UNC13D: variants seen among roughly 807,000 people sequenced by gnomAD.
UNC13D encodes protein unc-13 homolog D.
In UNC13D, 115 loss-of-function variants were observed where a neutral mutation model predicts 151.7. That is an observed-to-expected ratio of 0.76 (90% CI 0.65 to 0.88). The LOEUF is 0.88. Among genes scored for constraint, UNC13D ranks in the 40% least tolerant of loss-of-function variants. The pLI is 0.00. For synonymous variants in UNC13D, 588 were observed against 612.2 expected (o/e 0.96, Z 0.58); for missense variants, 1,369 against 1,438.7 (o/e 0.95, Z 0.78).
Position 75,843,826 on chromosome 17 carries a change from C to T in UNC13D, c.118-307G>A, listed in dbSNP as rs1019391145. 9 of 1,375,410 alleles carry T rather than the reference C, an allele frequency of 6.5e-6. No homozygotes were observed. Among genetic ancestry groups the T allele is most frequent in the East Asian group, 5.7e-5 (2 of 35,374 alleles). The allele number at this position is 1,375,410 out of a possible 1,614,324, so 85.2% of individuals were successfully genotyped here. On this transcript the variant is annotated intron_variant, in intron 1 of 31. Transcript: ENST00000207549. ...GTGGCGGCTGCTCCTCACCCAGCAG[C>T]GGAAGTGAGGCTCGGCAGCGGAGGT... is the stretch of plus-strand genomic sequence containing the variant.
In UNC13D at chr17:75,832,770, G is replaced by A; in HGVS notation, c.2447+196C>T. Reference sequence around the variant, plus strand: ...GCACCCATAAGGGAGGTCACCAAAGGGATTCACCTCCACCCCTCAGAACGG... The same window carrying A: ...GCACCCATAAGGGAGGTCACCAAAGAGATTCACCTCCACCCCTCAGAACGG... On this transcript the variant is annotated intron_variant, in intron 25 of 31. Transcript: ENST00000207549. The surrounding 1 kb of genome is among the most constrained non-coding windows in gnomAD (Gnocchi z 4.3). The A allele has an allele frequency of 1.7e-6, 1 of 572,020 alleles. No individual in the cohort carries two copies. The highest frequency in any genetic ancestry group is 3.2e-6 in the Non-Finnish European group (1 of 312,714). 35.4% of individuals were successfully genotyped at this position (572,020 alleles called of 1,614,324 possible). A position where few individuals can be genotyped will look rare whatever the true frequency, so the allele number is the denominator to read the frequency against.
At chr17:75,839,785 A>AG in intron 12 of UNC13D, 54 bp downstream of exon 12, 4 of 1,572,222 alleles carry the variant, frequency 2.5e-6, no homozygotes, top group Non-Finnish European at 3.5e-6. Flanking sequence ...GGAGGAGGGC[A>AG]GGGGGCGTGG....
At chr17:75,835,156 A>G in intron 20 of UNC13D, 93 bp from the exon 21 acceptor site, 2 of 1,565,268 alleles carry the variant, frequency 1.3e-6, no homozygotes, top group Non-Finnish European at 1.7e-6. Flanking sequence ...CCAGGCACAG[A>G]GCTGGGCAGG....
intron 27 of UNC13D, 43 bp downstream of exon 27, chr17:75,831,053 AGG>A: frequency 1.9e-6 from 3 of 1,610,446 alleles, no homozygotes; most frequent in Non-Finnish European, 1.7e-6. Flanking sequence ...GCCAAAAGGC[AGG>A]CTCCCCAGAC....
rs777653641 is a variant in UNC13D at position 75,831,179 on chromosome 17, A to G, written c.2554-10T>C. On this transcript the variant is annotated splice_polypyrimidine_tract_variant and intron_variant, in intron 26 of 31. Coordinates refer to ENST00000207549, the MANE Select transcript of UNC13D (RefSeq NM_199242.3). The stretch of plus-strand genomic sequence containing the variant: ...AGCAGATCTCCAGGTTCTGGGGGAG[A>G]TATCAGAGGTGACCCCAGGCACCCT... 9 of 1,613,850 alleles carry G rather than the reference A, an allele frequency of 5.6e-6. No individual in the cohort carries two copies. Among genetic ancestry groups the G allele is most frequent in the Admixed American group, 5.0e-5 (3 of 59,988 alleles).
rs747840374 is a variant in UNC13D, at chr17:75,842,613, C to T, written c.389G>A (p.Gly130Glu). The T allele has an allele frequency of 3.7e-6, 6 of 1,611,390 alleles. No individual in the cohort carries two copies. Residue 130 changes from glycine to glutamate, a missense_variant and splice_region_variant, in exon 6 of 32, where the codon GGG (glycine) becomes GAG (glutamate). Coordinates refer to ENST00000207549, the MANE Select transcript of UNC13D (RefSeq NM_199242.3). ...CAGCAGGCAGTAGGGGTCGCTGAAC[C>T]CTGTGGAGGAGTGGGGAAGACGAGG... ...AKGILGKDVS[G>E]FSDPYCLLGI...
In UNC13D at chr17:75,834,667, G is replaced by T. The variant is rs202113667; in HGVS notation, c.2042C>A (p.Ala681Asp). The T allele has an allele frequency of 1.9e-6, 3 of 1,613,786 alleles. No homozygotes were observed. Among genetic ancestry groups the T allele is most frequent in the Middle Eastern group, 3.3e-4 (2 of 6,062 alleles). The change falls in exon 22 of 32, where the codon GCC becomes GAC. Residue 681 changes from alanine to aspartate, a missense_variant. Physicochemically the swap from Ala to Asp is moderately radical, Grantham distance 126. This residue lies in a region of UNC13D where 807 missense variants were observed against 795.5 expected (regional missense o/e 1.01). Transcript: ENST00000207549. ...CTTCTGGCCTGAAGAGAGCTCGCGG[G>T]CCCGGGCCTTTATAAGGCTGCAGTA... Reference protein sequence around the residue: ...LVYCSLIKARARELSSGQKDQ... With the variant: ...LVYCSLIKARDRELSSGQKDQ...
At chr17:75,835,346 A>G (rs762882580) in intron 20 of UNC13D, 63 bp downstream of exon 20, 7 of 1,587,582 alleles carry the variant, frequency 4.4e-6, no homozygotes, top group Non-Finnish European at 5.1e-6. Context: ...TTGGAGGTCC[A>G]GGCAGAACCC....
Position 75,828,876 on chromosome 17 carries a change from G to C in UNC13D, c.3062C>G (p.Pro1021Arg), listed in dbSNP as rs375153464. ...ADDLEGEAFL[P>R]LREVPGLSGS... is the part of the protein sequence containing the mutation. ...ACTCAGCCCGGGCACCTCACGCAGC[G>C]GCAGGAAGGCCTCGCCTTCCAGGTC... The change falls in exon 31 of 32, where the codon CCG (proline) becomes CGG (arginine). Residue 1021 changes from proline (P) to arginine (R), a missense_variant. Coordinates refer to ENST00000207549, the MANE Select transcript of UNC13D (RefSeq NM_199242.3). 6.2e-7 allele frequency: 1 copy of C among 1,602,156 alleles called. No individual in the cohort carries two copies. The highest frequency in any genetic ancestry group is 8.5e-7 in the Non-Finnish European group (1 of 1,177,460).
At position 75,840,840 on chromosome 17, in the gene UNC13D, C is replaced by G. The variant is rs200803997; in HGVS notation, c.615-10G>C. The G allele has an allele frequency of 1.7e-5, 28 of 1,613,960 alleles. No individual in the cohort carries two copies. The highest frequency in any genetic ancestry group is 2.4e-5 in the Non-Finnish European group (28 of 1,180,034). On this transcript the variant is annotated splice_polypyrimidine_tract_variant and intron_variant, in intron 7 of 31. Transcript: ENST00000207549. The surrounding 1 kb of genome is among the most constrained non-coding windows in gnomAD (Gnocchi z 4.6). ...CACAGTGTCCAGGTCCCTGGCAGGA[C>G]AGAGGTTTGAGAAGGAAGCAGAGAG...
intron 12 of UNC13D, among the ~76,000 whole-genome samples, chr17:75,839,612 ATCC>A: frequency 6.6e-6 from 1 of 152,110 alleles, no homozygotes; most frequent in South Asian, 2.1e-4. Flanking sequence ...GGCTCAAGTG[ATCC>A]TCCTGCCTCA....
At chr17:75,835,983 A>G in intron 17 of UNC13D, 29 bp downstream of exon 17, 2 of 1,614,174 alleles carry the variant, frequency 1.2e-6, no homozygotes, top group Non-Finnish European at 1.7e-6. Flanking sequence ...GCAATGCCCC[A>G]CTACCTCCCG....
Position 75,836,323 on chromosome 17 carries a change from A to T in UNC13D, c.1389+16T>A, listed in dbSNP as rs1287954376. 1.9e-6 allele frequency: 3 copies of T among 1,613,636 alleles called. No homozygotes were observed. In the African/African-American group the frequency reaches 4.0e-5, roughly 22 times the overall value. ...CCAGGCGCTGGTCTCCCCCATCCCC[A>T]GCGCGAGTACCATACCTGCAGGGCC... is the stretch of plus-strand genomic sequence containing the variant. On this transcript the variant is annotated intron_variant, in intron 15 of 31. Coordinates refer to ENST00000207549, the MANE Select transcript of UNC13D (RefSeq NM_199242.3).
rs757081119 is a variant in UNC13D at position 75,834,762 on chromosome 17, C to T, written c.1993-46G>A. ...GGGAACTGATCCATGGGTGGGGCAT[C>T]CAGGAAGGGCAGGTGGGAGGGCATG... On this transcript the variant is annotated intron_variant, in intron 21 of 31. Coordinates refer to ENST00000207549, the MANE Select transcript of UNC13D (RefSeq NM_199242.3). The T allele has an allele frequency of 1.9e-6, 3 of 1,609,420 alleles. No homozygotes were observed. In the East Asian group the frequency reaches 6.7e-5, roughly 36 times the overall value.
Position 75,843,088 on chromosome 17 carries a change from GGC to G in UNC13D, c.262-17_262-16del. ...ACGTGGAAGGCCTGGTGGGGAGGCA[GGC>G]GGGTGGGTGGCTGGGGGCACCAGAC... On this transcript the variant is annotated splice_polypyrimidine_tract_variant and intron_variant, in intron 3 of 31. Coordinates refer to ENST00000207549, the MANE Select transcript of UNC13D (RefSeq NM_199242.3). 2 of 1,604,576 alleles carry G rather than the reference GGC, an allele frequency of 1.2e-6. No individual in the cohort carries two copies. Among genetic ancestry groups the G allele is most frequent in the East Asian group, 4.5e-5 (2 of 44,192 alleles).
Position 75,840,910 on chromosome 17 carries a change from C to G in UNC13D, c.614+47G>C. The stretch of plus-strand genomic sequence containing the variant: ...AGGAGGAGGTTCCGCCTCTCTCACC[C>G]CAGATCCCTTCCCTTCCCATCCCTA... On this transcript the variant is annotated intron_variant, in intron 7 of 31. Coordinates refer to ENST00000207549, the MANE Select transcript of UNC13D (RefSeq NM_199242.3). The surrounding 1 kb of genome is among the most constrained non-coding windows in gnomAD (Gnocchi z 4.6). 1 of 1,614,098 alleles carries G rather than the reference C, an allele frequency of 6.2e-7. No homozygotes were observed. Among genetic ancestry groups the G allele is most frequent in the Non-Finnish European group, 8.5e-7 (1 of 1,180,024 alleles).
chr17:75,841,892 G>A (rs1359262581), intron 6 of UNC13D, among the ~76,000 whole-genome samples: 5 of 151,930 alleles, frequency 3.3e-5, no homozygotes, highest in Non-Finnish European at 7.4e-5. Flanking sequence ...GGGACTACAG[G>A]CGCCTGCCAC....
Position 75,828,063 on chromosome 17 carries a change from C to A in UNC13D, c.3175G>T (p.Glu1059Ter). The A allele has an allele frequency of 6.4e-7, 1 of 1,574,138 alleles. No homozygotes were observed. Among genetic ancestry groups the A allele is most frequent in the East Asian group, 2.3e-5 (1 of 42,686 alleles). ...GCTTCTCGGTCACCCTTCCGGCCCT[C>A]CAGCAGCTGCAGGATTGGGTCCCCT... is the stretch of plus-strand genomic sequence containing the variant. ...PNGDPILQLL[E>*]GRKGDREAQV... The change falls in exon 32 of 32, where the codon GAG becomes TAG. Residue 1059 changes from glutamate to a stop codon, truncating the protein, a stop_gained. Coordinates refer to ENST00000207549, the MANE Select transcript of UNC13D (RefSeq NM_199242.3). LOFTEE classifies it high-confidence loss of function.
In UNC13D at chr17:75,827,646, A is replaced by C; in HGVS notation, c.*319T>G. On this transcript the variant is annotated 3_prime_UTR_variant, in exon 32 of 32. Coordinates refer to ENST00000207549, the MANE Select transcript of UNC13D (RefSeq NM_199242.3). ...CAGATGGGCCAGGGCCAGGAGACAGATGGCCCAATCCCCTGCCCACCACAG... is the reference window on the plus strand; with the variant it reads ...CAGATGGGCCAGGGCCAGGAGACAGCTGGCCCAATCCCCTGCCCACCACAG... The C allele has an allele frequency of 6.5e-7, 1 of 1,535,234 alleles. No individual in the cohort carries two copies. Among genetic ancestry groups the C allele is most frequent in the Non-Finnish European group, 8.7e-7 (1 of 1,146,572 alleles).
Sources: allele counts gnomAD v4.1 joint callset (sites outside exome capture counted in the v4.1 genomes callset), GRCh38; gene constraint gnomAD v4.1.1; regional missense constraint gnomAD v4.1.1; non-coding constraint Gnocchi (gnomAD v3.1); transcripts MANE v1.5; gene names NCBI Gene and HGNC (gene_info 2026-07-23, HGNC 2026-07-21).